LIG1: variants seen among roughly 807,000 people sequenced by gnomAD.
The protein encoded by LIG1 is DNA ligase 1, also known as ligase I, DNA, ATP-dependent.
A neutral mutation model predicts 115.7 loss-of-function variants in LIG1; 70 were observed. That is an observed-to-expected ratio of 0.60 (90% CI 0.50 to 0.74). The LOEUF is 0.74. LIG1 is among the 30% of genes least tolerant of loss of function. The pLI, the probability that LIG1 is intolerant of heterozygous loss-of-function variation, is 0.00. For missense variants in LIG1, 1,115 were observed against 1,225.6 expected (o/e 0.91, Z 1.35); for synonymous variants, 487 against 495.3 (o/e 0.98, Z 0.22).
chr19:48,154,239 T>A (rs758074641), intron 5 of LIG1: 1 of 439,578 alleles, frequency 2.3e-6, no homozygotes, highest in Non-Finnish European at 4.3e-6. Flanking sequence ...AATGATGTAA[T>A]GTACTTGGCA....
intron 1 of LIG1, among the ~76,000 whole-genome samples, chr19:48,168,361 A>G (rs958506127): frequency 1.3e-5 from 2 of 152,180 alleles, no homozygotes; most frequent in Non-Finnish European, 2.9e-5. Context: ...GCTGGGGTTC[A>G]GGCAAGGCTT....
At chr19:48,149,681 C>A (rs559721640) in intron 9 of LIG1, 82 bp downstream of exon 9, 2 of 1,094,564 alleles carry the variant, frequency 1.8e-6, no homozygotes, top group East Asian at 4.9e-5. Context: ...GAGGAGGAAG[C>A]CTGAGCTGGG....
chr19:48,135,897 TC>T (rs906767642), intron 15 of LIG1, 118 bp from the exon 16 acceptor site: 35 of 537,916 alleles, frequency 6.5e-5, no homozygotes, highest in East Asian at 1.9e-4. Flanking sequence ...AGACGCCCCC[TC>T]CCCCCCACCC....
intron 6 of LIG1, among the ~76,000 whole-genome samples, chr19:48,152,462 A>C (rs1179087043): frequency 6.6e-6 from 1 of 152,190 alleles, no homozygotes; most frequent in East Asian, 1.9e-4. Flanking sequence ...CTGCCCTGGA[A>C]AATGGACCTT....
chr19:48,143,587 C>T lies in LIG1; in HGVS notation c.870G>A (p.Leu290=), dbSNP rs1444902689. 1 of 1,611,318 alleles carries T rather than the reference C, an allele frequency of 6.2e-7. No individual in the cohort carries two copies. Among genetic ancestry groups the T allele is most frequent in the African/African-American group, 1.3e-5 (1 of 74,356 alleles). ...CWKPGQKVPY[L]AVARTFEKIE... is the part of the protein sequence containing the mutation. ...TCTTCTCAAACGTCCGGGCCACAGCCAGGTAAGGAACCCTAGGGAAGGAAA... is the reference window on the plus strand; with the variant it reads ...TCTTCTCAAACGTCCGGGCCACAGCTAGGTAAGGAACCCTAGGGAAGGAAA... Residue 290 remains leucine, a synonymous_variant, in exon 11 of 28, where the codon CTG becomes CTA. Transcript: ENST00000263274.
chr19:48,120,549 A>T, intron 24 of LIG1: 1 of 985,326 alleles, frequency 1.0e-6, no homozygotes, highest in Non-Finnish European at 1.2e-6. Context: ...AAATGTGCAC[A>T]GCTTTAAGAA....
rs2034337595 is a variant in LIG1, at chr19:48,135,731, G to T, written c.1472C>A (p.Ala491Asp). The T allele has an allele frequency of 1.2e-6, 2 of 1,614,010 alleles. No individual in the cohort carries two copies. The highest frequency in any genetic ancestry group is 1.7e-6 in the Non-Finnish European group (2 of 1,180,006). Residue 491 changes from alanine (A) to aspartate (D), a missense_variant, in exon 16 of 28, where the codon GCC becomes GAC. By Grantham distance (126) the Ala-to-Asp change is moderately radical (BLOSUM62 -2). Coordinates refer to ENST00000263274, the MANE Select transcript of LIG1 (RefSeq NM_000234.3). ...VDAGKGKTAE[A>D]RKTWLEEQGM... ...TTGCTCCTCCAGCCACGTCTTTCTG[G>T]CCTCTGCTGTCTTGCCCTTCCCAGC...
chr19:48,146,130 G>A (rs2035096655), intron 9 of LIG1: 1 of 152,302 alleles, frequency 6.6e-6, no homozygotes, highest in South Asian at 2.1e-4. Flanking sequence ...TGAGGAAATT[G>A]GAGAGTGGGA....
In LIG1 at chr19:48,138,647, AGT is replaced by A. The variant is rs1188333342; in HGVS notation, c.1088-961_1088-960del. Among the ~76,000 whole-genome samples, 3 of 152,334 alleles carry A rather than the reference AGT, an allele frequency of 2.0e-5. No individual in the cohort carries two copies. In the East Asian group the frequency reaches 5.8e-4, roughly 29 times the overall value. ...GGGGCCACAAGGCGGCACGGAGAGCAGTGTGAGTGTGAACACGACCCATCAAG... is the reference window on the plus strand; with the variant it reads ...GGGGCCACAAGGCGGCACGGAGAGCAGTGAGTGTGAACACGACCCATCAAG... On this transcript the variant is annotated intron_variant, in intron 12 of 27. Coordinates refer to ENST00000263274, the MANE Select transcript of LIG1 (RefSeq NM_000234.3).
rs759018012 is a variant in LIG1, at chr19:48,123,275, C to G, written c.2048G>C (p.Arg683Pro). The change falls in exon 22 of 28, where the codon CGG (arginine) becomes CCG (proline). Residue 683 changes from arginine to proline, a missense_variant. By Grantham distance (103) the Arg-to-Pro change is moderately radical. Transcript: ENST00000263274. ...EPLSRRRQLLRENFVETEGEF... is the reference protein window; with the variant it reads ...EPLSRRRQLLPENFVETEGEF... The stretch of plus-strand genomic sequence containing the variant: ...GCCCTCTGTCTCCACAAAGTTCTCC[C>G]GGAGCAGCTGCCGGCGCCGGGAAAG... 1.2e-6 allele frequency: 2 copies of G among 1,614,048 alleles called. No homozygotes were observed. The highest frequency in any genetic ancestry group is 1.7e-6 in the Non-Finnish European group (2 of 1,180,018).
At chr19:48,133,178 G>C in intron 17 of LIG1, 81 bp from the exon 18 acceptor site, 1 of 930,726 alleles carries the variant, frequency 1.1e-6, no homozygotes, top group South Asian at 1.3e-5. Flanking sequence ...ACTGCTAATG[G>C]GCCCCAGGAC....
In LIG1 at chr19:48,122,576, C is replaced by T. The variant is rs2033365257; in HGVS notation, c.2232+358G>A. On this transcript the variant is annotated intron_variant, in intron 23 of 27. Coordinates refer to ENST00000263274, the MANE Select transcript of LIG1 (RefSeq NM_000234.3). This position sits in a 1 kb window ranked among gnomAD's most constrained non-coding sequence, Gnocchi z 4.3. ...GCCTTGCTGGCCCGGAGCTGACTTG[C>T]TTTTCTTCATGGCGCCCACTCCTGC... Among the ~76,000 whole-genome samples the T allele has an allele frequency of 6.6e-6, 1 of 152,246 alleles. No homozygotes were observed.
At chr19:48,142,588 CAT>C (rs1281569363) in intron 11 of LIG1, among the ~76,000 whole-genome samples, 8 of 152,164 alleles carry the variant, frequency 5.3e-5, no homozygotes, top group Non-Finnish European at 1.2e-4. Flanking sequence ...AACATGGACA[CAT>C]GTGGAAACGG....
intron 12 of LIG1, among the ~76,000 whole-genome samples, chr19:48,138,454 A>G (rs1381475040): frequency 6.6e-6 from 1 of 152,268 alleles, no homozygotes; most frequent in Non-Finnish European, 1.5e-5. Context: ...CAGCCGCGGC[A>G]CAGAGCACAT....
chr19:48,142,947 GATA>G (rs1297610943), intron 11 of LIG1, among the ~76,000 whole-genome samples: 4 of 152,144 alleles, frequency 2.6e-5, no homozygotes, highest in African/African-American at 9.7e-5. Flanking sequence ...CAGCCTCCAT[GATA>G]ATATTTATAT....
intron 19 of LIG1, 34 bp downstream of exon 19, chr19:48,131,042 C>G (rs1476541656): frequency 6.4e-7 from 1 of 1,566,200 alleles, no homozygotes; most frequent in South Asian, 1.1e-5. Flanking sequence ...GACCACAGAC[C>G]CTGGCAGAGT....
At chr19:48,163,858 T>C (rs1208587039) in intron 2 of LIG1, among the ~76,000 whole-genome samples, 1 of 147,414 alleles carries the variant, frequency 6.8e-6, no homozygotes, top group Non-Finnish European at 1.5e-5. Context: ...GGCAGGGGAA[T>C]GGCCTGAACC....
intron 11 of LIG1, among the ~76,000 whole-genome samples, chr19:48,141,748 G>A (rs115078555): frequency 0.012 from 1,752 of 152,298 alleles, 41 homozygotes; most frequent in African/African-American, 0.039. Context: ...TTTTCCTACA[G>A]AAGTCTCATT....
chr19:48,166,053 A>C (rs1202178391), intron 1 of LIG1, among the ~76,000 whole-genome samples: 1 of 152,230 alleles, frequency 6.6e-6, no homozygotes, highest in African/African-American at 2.4e-5. Flanking sequence ...CTGTTATTTC[A>C]AACAAAGGGC....
Sources: allele counts gnomAD v4.1 joint callset (sites outside exome capture counted in the v4.1 genomes callset), GRCh38; gene constraint gnomAD v4.1.1; non-coding constraint Gnocchi (gnomAD v3.1); transcripts MANE v1.5; gene names NCBI Gene and HGNC (gene_info 2026-07-23, HGNC 2026-07-21).